HS6ST3: variants seen among roughly 807,000 people sequenced by gnomAD.
HS6ST3 encodes heparan sulfate 6-O-sulfotransferase 3, also known as heparan-sulfate 6-O-sulfotransferase 3.
A neutral mutation model predicts 36.7 loss-of-function variants in HS6ST3; 12 were observed. The ratio of observed to expected loss-of-function variants is 0.33; its 90% CI spans 0.21 to 0.53. The LOEUF is 0.53. HS6ST3 is among the 20% of genes least tolerant of loss of function. The pLI is 0.95. For missense variants in HS6ST3, 584 were observed against 640.9 expected (o/e 0.91, Z 0.96); for synonymous variants, 240 against 257.5 (o/e 0.93, Z 0.65).
chr13:96,643,201 T>C (rs1338151022), intron 1 of HS6ST3, among the ~76,000 whole-genome samples: 6 of 151,970 alleles, frequency 3.9e-5, no homozygotes, highest in Non-Finnish European at 5.9e-5. Flanking sequence ...TTTATATGCC[T>C]GAAACTGATG....
At chr13:96,761,627 A>G (rs540233785) in intron 1 of HS6ST3, among the ~76,000 whole-genome samples, 1 of 152,260 alleles carries the variant, frequency 6.6e-6, no homozygotes, top group South Asian at 2.1e-4. Flanking sequence ...GTCATCACTC[A>G]TGTAAATTAG....
chr13:96,699,347 C>G (rs1158763938), intron 1 of HS6ST3, among the ~76,000 whole-genome samples: 1 of 152,158 alleles, frequency 6.6e-6, no homozygotes, highest in East Asian at 1.9e-4. Flanking sequence ...TTGCAACCTA[C>G]TCATCTGATA....
chr13:96,608,015 C>T (rs1305897770), intron 1 of HS6ST3, among the ~76,000 whole-genome samples: 2 of 152,136 alleles, frequency 1.3e-5, no homozygotes, highest in East Asian at 1.9e-4. Context: ...CTGTTAGATC[C>T]ATGTTAAAAG....
intron 1 of HS6ST3, among the ~76,000 whole-genome samples, chr13:96,093,361 G>A (rs893797050): frequency 6.6e-6 from 1 of 152,066 alleles, no homozygotes; most frequent in African/African-American, 2.4e-5. Flanking sequence ...ACCCTGAATA[G>A]GTGACAAGCA....
In HS6ST3 at chr13:96,572,938, G is replaced by A. The variant is rs886914216; in HGVS notation, c.708-259552G>A. On this transcript the variant is annotated intron_variant, in intron 1 of 1. Transcript: ENST00000376705. Reference sequence around the variant, plus strand: ...AATAATCCCCAAATCATTCATGTACGTCAGACTTCAGAGTATGGTGTTTGC... The same window carrying A: ...AATAATCCCCAAATCATTCATGTACATCAGACTTCAGAGTATGGTGTTTGC... Among the ~76,000 whole-genome samples the A allele has an allele frequency of 8.5e-5, 13 of 152,278 alleles. No homozygotes were observed. The East Asian group carries it at 1.7e-3, about 20-fold the overall frequency.
At chr13:96,298,619 A>G (rs893905589) in intron 1 of HS6ST3, among the ~76,000 whole-genome samples, 12 of 152,196 alleles carry the variant, frequency 7.9e-5, no homozygotes, top group Admixed American at 4.6e-4. Flanking sequence ...TGCTACCTAA[A>G]TCAAGATAAA....
At chr13:96,677,913 G>C (rs2056704742) in intron 1 of HS6ST3, among the ~76,000 whole-genome samples, 1 of 152,144 alleles carries the variant, frequency 6.6e-6, no homozygotes. Flanking sequence ...GCTCGGGCCT[G>C]TAATATTTGT....
Position 96,388,777 on chromosome 13 carries a change from C to G in HS6ST3, c.707+297208C>G, listed in dbSNP as rs568869838. Among the ~76,000 whole-genome samples, 328 of 152,154 alleles carry G rather than the reference C, an allele frequency of 2.2e-3. 1 individual carries two copies. Among genetic ancestry groups the G allele is most frequent in the Middle Eastern group, 6.8e-3 (2 of 294 alleles). ...TGATAATGAGTGAGTCTCACTAGAC[C>G]TAATGGTTTTATAAGCGTCTGGCAT... On this transcript the variant is annotated intron_variant, in intron 1 of 1. Transcript: ENST00000376705.
chr13:96,103,885 T>C (rs189583291), intron 1 of HS6ST3, among the ~76,000 whole-genome samples: 18 of 152,100 alleles, frequency 1.2e-4, no homozygotes, highest in Admixed American at 1.0e-3. Flanking sequence ...AGTGCATAAG[T>C]CTTTCGCTTA....
At chr13:96,433,080 TA>T (rs1594779104) in intron 1 of HS6ST3, among the ~76,000 whole-genome samples, 1 of 152,202 alleles carries the variant, frequency 6.6e-6, no homozygotes, top group South Asian at 2.1e-4. Context: ...TTTGTTCTTT[TA>T]AAAAATTGTT....
chr13:96,258,628 C>T (rs957872882), intron 1 of HS6ST3, among the ~76,000 whole-genome samples: 1 of 152,132 alleles, frequency 6.6e-6, no homozygotes, highest in East Asian at 1.9e-4. Context: ...TTCCTTTTAC[C>T]TGCCATTCAC....
At chr13:96,805,018 T>A (rs779994261) in intron 1 of HS6ST3, among the ~76,000 whole-genome samples, 68 of 152,184 alleles carry the variant, frequency 4.5e-4, no homozygotes, top group Non-Finnish European at 6.5e-4. Context: ...AATACGTAAA[T>A]GAGAAAATTG....
chr13:96,553,182 G>A (rs1437731676), intron 1 of HS6ST3, among the ~76,000 whole-genome samples: 1 of 152,158 alleles, frequency 6.6e-6, no homozygotes, highest in Non-Finnish European at 1.5e-5. Context: ...GTTCTACATT[G>A]TGGTCCTTCT....
chr13:96,410,375 T>C (rs956505586), intron 1 of HS6ST3, among the ~76,000 whole-genome samples: 6 of 152,092 alleles, frequency 3.9e-5, no homozygotes, highest in Non-Finnish European at 7.4e-5. Flanking sequence ...GGAAATACAA[T>C]TGACAACAAG....
chr13:96,430,447 TG>T (rs2055609194), intron 1 of HS6ST3, among the ~76,000 whole-genome samples: 1 of 152,226 alleles, frequency 6.6e-6, no homozygotes, highest in Non-Finnish European at 1.5e-5. Flanking sequence ...GATGCTACCC[TG>T]GGCACTGTCT....
chr13:96,485,286 C>T (rs1300919966), intron 1 of HS6ST3, among the ~76,000 whole-genome samples: 2 of 152,016 alleles, frequency 1.3e-5, no homozygotes, highest in Admixed American at 1.3e-4. Context: ...TAGTCTTCCT[C>T]ATATAGATGT....
At chr13:96,148,273 C>T (rs492744) in intron 1 of HS6ST3, among the ~76,000 whole-genome samples, 122,817 of 152,140 alleles carry the variant, frequency 0.81, 50,122 homozygotes, top group East Asian at 0.91. Flanking sequence ...CAAGAACCTA[C>T]TGATGACATT....
intron 1 of HS6ST3, among the ~76,000 whole-genome samples, chr13:96,105,080 AG>A (rs2053835469): frequency 6.7e-6 from 1 of 149,906 alleles, no homozygotes; most frequent in Admixed American, 6.7e-5. Context: ...AAAAAAAAAA[AG>A]AAAAAGAAAG....
At chr13:96,216,179 C>T (rs747123286) in intron 1 of HS6ST3, among the ~76,000 whole-genome samples, 7 of 152,286 alleles carry the variant, frequency 4.6e-5, no homozygotes, top group African/African-American at 7.2e-5. Flanking sequence ...CCACATAGTA[C>T]GTAAATGTTA....
Sources: allele counts gnomAD v4.1 joint callset (sites outside exome capture counted in the v4.1 genomes callset), GRCh38; gene constraint gnomAD v4.1.1; transcripts MANE v1.5; gene names NCBI Gene and HGNC (gene_info 2026-07-23, HGNC 2026-07-21).